CDCA5: variants seen among roughly 807,000 people sequenced by gnomAD.
CDCA5 encodes cell division cycle associated 5.
A neutral mutation model predicts 25.7 loss-of-function variants in CDCA5; 14 were observed. The ratio of observed to expected loss-of-function variants is 0.54; its 90% CI spans 0.36 to 0.85. CDCA5 has a LOEUF of 0.85. Among genes scored for constraint, CDCA5 ranks in the 40% least tolerant of loss-of-function variants. The probability of loss-of-function intolerance (pLI) is 0.01; values close to 1 mark genes in which losing one functional copy is unlikely to be tolerated. For synonymous variants in CDCA5, 127 were observed against 128.7 expected, an observed-to-expected ratio of 0.99 and a Z score of 0.09; for missense variants, 307 against 324.5, an observed-to-expected ratio of 0.95 and a Z score of 0.41.
chr11:65,066,806 G>A (rs1444995186), intron 5 of CDCA5: 11 of 1,289,328 alleles, frequency 8.5e-6, no homozygotes, highest in African/African-American at 1.5e-5. Context: ...CTGGCTCAGG[G>A]TCTTACCAGG....
chr11:65,071,123 T>C (rs868221729), intron 1 of CDCA5, among the ~76,000 whole-genome samples: 50 of 151,566 alleles, frequency 3.3e-4, no homozygotes, highest in South Asian at 6.3e-4. Context: ...TTGTATTTTT[T>C]AGTAGAGACG....
At chr11:65,069,652 G>A (rs1255092227) in intron 1 of CDCA5, among the ~76,000 whole-genome samples, 1 of 152,126 alleles carries the variant, frequency 6.6e-6, no homozygotes, top group African/African-American at 2.4e-5. Flanking sequence ...CTTTGGAAAC[G>A]GCTTAAAGAA....
At chr11:65,061,699 T>G (rs533477265), downstream of CDCA5, among the ~76,000 whole-genome samples, 41 of 139,462 alleles carry the variant, frequency 2.9e-4, no homozygotes, top group Admixed American at 6.2e-4. Context: ...GGCGTGAACC[T>G]GGGAGGCAGA....
intron 4 of CDCA5, among the ~76,000 whole-genome samples, chr11:65,082,459 CTTTTTTTTTTT>C (rs35061489): frequency 2.6e-4 from 27 of 103,070 alleles, no homozygotes; most frequent in Admixed American, 4.5e-4. Flanking sequence ...ACCTACTTGT[CTTTTTTTTTTT>C]TTTTTTTTTT....
chr11:65,066,409 C>T lies in CDCA5; in HGVS notation c.628G>A (p.Asp210Asn), dbSNP rs528812606. Residue 210 changes from aspartate to asparagine, a missense_variant, in exon 7 of 7, where the codon GAC becomes AAC. Coordinates refer to the CDCA5 transcript ENST00000525464. ...GGGCCTGGCCAGGCCTGACCCTGGT[C>T]TCTGTGGTCGTGGGGCAGGTCAGGC... 9.7e-6 allele frequency: 12 copies of T among 1,241,306 alleles called. No homozygotes were observed. The Admixed American group carries it at 2.8e-4, about 29-fold the overall frequency. 76.9% of individuals were successfully genotyped at this position (1,241,306 alleles called of 1,614,324 possible).
Position 65,079,062 on chromosome 11 carries a change from C to T in CDCA5, c.*45G>A, listed in dbSNP as rs749041501. On this transcript the variant is annotated 3_prime_UTR_variant, in exon 6 of 6. Transcript: ENST00000275517. ...CTCTCCACAGGGAGGTGGCTATGTACAGGACAGGAGGGAGAGTCTGGCCAG... is the reference window on the plus strand; with the variant it reads ...CTCTCCACAGGGAGGTGGCTATGTATAGGACAGGAGGGAGAGTCTGGCCAG... 1 of 1,492,730 alleles carries T rather than the reference C, an allele frequency of 6.7e-7. No homozygotes were observed. The highest frequency in any genetic ancestry group is 2.3e-5 in the East Asian group (1 of 43,636). The allele number at this position is 1,492,730 out of a possible 1,614,324, so 92.5% of individuals were successfully genotyped here.
chr11:65,066,072 C>T (rs541685753), downstream of CDCA5, among the ~76,000 whole-genome samples: 1 of 152,158 alleles, frequency 6.6e-6, no homozygotes, highest in East Asian at 1.9e-4. Context: ...TTGGGAACAT[C>T]GCCCTTGAGC....
chr11:65,082,815 CCT>C (rs1454342510), intron 4 of CDCA5, among the ~76,000 whole-genome samples: 1 of 151,858 alleles, frequency 6.6e-6, no homozygotes, highest in Non-Finnish European at 1.5e-5. Context: ...CGAAACATTC[CCT>C]GAGCCACATG....
downstream of CDCA5, among the ~76,000 whole-genome samples, chr11:65,074,738 CAAAAAAAAAA>C (rs141129265): frequency 5.3e-5 from 2 of 38,016 alleles, no homozygotes; most frequent in Non-Finnish European, 9.9e-5. Flanking sequence ...GACCTTGTCT[CAAAAAAAAAA>C]AAAAAAAAAA....
At chr11:65,071,738 G>A (rs527795604) in intron 1 of CDCA5, among the ~76,000 whole-genome samples, 1 of 152,222 alleles carries the variant, frequency 6.6e-6, no homozygotes, top group African/African-American at 2.4e-5. Context: ...GGCATGAAAA[G>A]CTCCACGGTT....
At chr11:65,066,226 G>T, downstream of CDCA5, 1 of 595,950 alleles carries the variant, frequency 1.7e-6, no homozygotes, top group Non-Finnish European at 2.3e-6. Flanking sequence ...GAGGGGCTGA[G>T]CTCAGTGTGG....
Position 65,079,114 on chromosome 11 carries a change from A to G in CDCA5, c.752T>C (p.Val251Ala), listed in dbSNP as rs1264809133. ...TGCACCCCCCACTGCATCTCATTCA[A>G]CCAGGAGATCAAACTGCTCAGCAGC... ...FEAAEQFDLL[V>A]E is the part of the protein sequence containing the mutation. Residue 251 changes from valine (V) to alanine (A), a missense_variant, in exon 6 of 6, where the codon GTT becomes GCT. Coordinates refer to ENST00000275517, the MANE Select transcript of CDCA5 (RefSeq NM_080668.4). 2.0e-6 allele frequency: 3 copies of G among 1,518,398 alleles called. No individual in the cohort carries two copies. The highest frequency in any genetic ancestry group is 4.5e-5 in the East Asian group (2 of 44,112). 94.1% of individuals were successfully genotyped at this position (1,518,398 alleles called of 1,614,324 possible).
At chr11:65,074,219 C>T (rs1029188243), downstream of CDCA5, among the ~76,000 whole-genome samples, 10 of 152,138 alleles carry the variant, frequency 6.6e-5, no homozygotes, top group African/African-American at 1.2e-4. Flanking sequence ...ATTACAGGCA[C>T]CCGCCACCAC....
downstream of CDCA5, among the ~76,000 whole-genome samples, chr11:65,065,808 G>C (rs185216618): frequency 2.0e-5 from 3 of 151,926 alleles, no homozygotes; most frequent in Non-Finnish European, 2.9e-5. Context: ...ACTCAAAATC[G>C]ATATGTATCT....
intron 4 of CDCA5, among the ~76,000 whole-genome samples, chr11:65,081,313 A>AG (rs34719745): frequency 0.28 from 43,229 of 151,814 alleles, 6,640 homozygotes; most frequent in East Asian, 0.65. Context: ...CTGTAAGCCC[A>AG]GCTACTTGGG....
intron 4 of CDCA5, among the ~76,000 whole-genome samples, chr11:65,080,517 A>C (rs1947543932): frequency 6.6e-6 from 1 of 152,024 alleles, no homozygotes; most frequent in African/African-American, 2.4e-5. Context: ...GGGCTCACGC[A>C]ATCCTCCTAC....
chr11:65,068,269 G>A (rs533983309), intron 2 of CDCA5, among the ~76,000 whole-genome samples: 3 of 152,072 alleles, frequency 2.0e-5, no homozygotes, highest in East Asian at 1.9e-4. Flanking sequence ...AGCCTGGTAG[G>A]AGGTATGAAT....
downstream of CDCA5, among the ~76,000 whole-genome samples, chr11:65,072,935 A>ATTTTT (rs1242662667): frequency 3.1e-5 from 4 of 127,162 alleles, no homozygotes; most frequent in South Asian, 2.5e-4. Context: ...GTATTATTTC[A>ATTTTT]TTCTTTTTTT....
intron 4 of CDCA5, among the ~76,000 whole-genome samples, chr11:65,067,426 G>C (rs1014397210): frequency 1.3e-5 from 2 of 152,236 alleles, no homozygotes; most frequent in Non-Finnish European, 2.9e-5. Context: ...CATTACCTGA[G>C]AGGGGCGAGC....
Sources: allele counts gnomAD v4.1 joint callset (sites outside exome capture counted in the v4.1 genomes callset), GRCh38; gene constraint gnomAD v4.1.1; transcripts MANE v1.5; gene names NCBI Gene and HGNC (gene_info 2026-07-23, HGNC 2026-07-21).